Variants in KNDC1 observed in about 807,000 individuals in gnomAD.
The protein encoded by KNDC1 is kinase non-catalytic C-lobe domain containing 1.
A neutral mutation model predicts 172.8 loss-of-function variants in KNDC1; 106 were observed. The ratio of observed to expected loss-of-function variants is 0.61; its 90% CI spans 0.52 to 0.72. The LOEUF is 0.72. KNDC1 is among the 30% of genes least tolerant of loss of function. The pLI is 0.00. For synonymous variants in KNDC1, 1,083 were observed against 1,062.2 expected (o/e 1.02, Z -0.38); for missense variants, 2,325 against 2,394.5 (o/e 0.97, Z 0.61).
Position 133,224,026 on chromosome 10 carries a change from C to CGT in KNDC1, c.5019-621_5019-620dup, listed in dbSNP as rs1303845206. ...GCCCATCCAGGCATGCTCTTCCCGG[C>CGT]GTGTGTGTGTGTGAGAGCCCATCCA... On this transcript the variant is annotated intron_variant, in intron 29 of 29. Coordinates refer to ENST00000304613, the MANE Select transcript of KNDC1 (RefSeq NM_152643.8). This position sits in a 1 kb window ranked among gnomAD's most constrained non-coding sequence, Gnocchi z 5.4. Among the ~76,000 whole-genome samples, 12 of 130,828 alleles carry CGT rather than the reference C, an allele frequency of 9.2e-5. No homozygotes were observed. Among genetic ancestry groups the CGT allele is most frequent in the East Asian group, 4.8e-4 (2 of 4,204 alleles). The allele number at this position is 130,828 out of a possible 152,430, so 85.8% of individuals were successfully genotyped here.
In KNDC1 at chr10:133,199,212, G is replaced by A. The variant is rs767692064; in HGVS notation, c.2704G>A (p.Glu902Lys). The A allele has an allele frequency of 5.1e-6, 8 of 1,579,284 alleles. No individual in the cohort carries two copies. Among genetic ancestry groups the A allele is most frequent in the Middle Eastern group, 3.3e-4 (2 of 6,006 alleles). Residue 902 changes from glutamate to lysine, a missense_variant, in exon 14 of 30, where the codon GAG becomes AAG. Transcript: ENST00000304613. ...GCAGGAGGCCACGCGCCTCATCCAG[G>A]AGGAATTTGCCTTCGATGGCTACCT... ...SLQEATRLIQEEFAFDGYLDN... is the reference protein window; with the variant it reads ...SLQEATRLIQKEFAFDGYLDN...
intron 29 of KNDC1, among the ~76,000 whole-genome samples, chr10:133,223,634 C>T (rs1413496925): frequency 3.0e-5 from 2 of 66,488 alleles, no homozygotes; most frequent in Admixed American, 1.8e-4. Flanking sequence ...CTCTTCCCGG[C>T]GTGTGTCTGT....
At position 133,201,821 on chromosome 10, in the gene KNDC1, G is replaced by C; in HGVS notation, c.3310G>C (p.Gly1104Arg). 2.0e-6 allele frequency: 3 copies of C among 1,497,606 alleles called. No individual in the cohort carries two copies. Among genetic ancestry groups the C allele is most frequent in the Non-Finnish European group, 2.7e-6 (3 of 1,125,884 alleles). The allele number at this position is 1,497,606 out of a possible 1,614,324, so 92.8% of individuals were successfully genotyped here. ...CSAFYEADCF[G>R]ADVHNYVKDL... ...CGCCTTCTACGAGGCCGACTGCTTC[G>C]GGGCCGACGTCCACAACTACGTGAA... The change falls in exon 17 of 30, where the codon GGG (glycine) becomes CGG (arginine). Residue 1104 changes from glycine to arginine, a missense_variant. Coordinates refer to ENST00000304613, the MANE Select transcript of KNDC1 (RefSeq NM_152643.8).
At position 133,213,710 on chromosome 10, in the gene KNDC1, G is replaced by A. The variant is rs1454227842; in HGVS notation, c.4509G>A (p.Lys1503=). The A allele has an allele frequency of 1.2e-6, 2 of 1,614,074 alleles. No homozygotes were observed. The highest frequency in any genetic ancestry group is 2.2e-5 in the East Asian group (1 of 44,870). The stretch of plus-strand genomic sequence containing the variant: ...CACGGGCCCTGGGCGTCATGGACAA[G>A]AGCACTGCCATCCCCAAGTGAGCGT... The part of the protein sequence containing the change: ...LNSRALGVMD[K]STAIPKASSS... Residue 1503 remains lysine (K), a synonymous_variant, in exon 25 of 30, where the codon AAG becomes AAA. Coordinates refer to ENST00000304613, the MANE Select transcript of KNDC1 (RefSeq NM_152643.8).
chr10:133,185,615 G>A (rs985791663), intron 5 of KNDC1, among the ~76,000 whole-genome samples: 1 of 151,892 alleles, frequency 6.6e-6, no homozygotes, highest in Non-Finnish European at 1.5e-5. Flanking sequence ...TTCCTGTGGG[G>A]ACTCACCTGT....
chr10:133,186,728 G>A, intron 6 of KNDC1, 54 bp downstream of exon 6: 6 of 1,307,216 alleles, frequency 4.6e-6, no homozygotes, highest in Admixed American at 2.4e-5. Context: ...AGTGAGTCCG[G>A]GGCCGGGCCT....
At chr10:133,212,983 G>C in intron 24 of KNDC1, 61 bp downstream of exon 24, 1 of 1,428,270 alleles carries the variant, frequency 7.0e-7, no homozygotes, top group Non-Finnish European at 9.6e-7. Flanking sequence ...GAAACACTCC[G>C]CGCCCATAGG....
In KNDC1 at chr10:133,201,681, C is replaced by T. The variant is rs34683692; in HGVS notation, c.3170C>T (p.Ala1057Val). The T allele has an allele frequency of 0.018, 28,241 of 1,612,424 alleles. 315 individuals are homozygous for T. Among genetic ancestry groups the T allele is most frequent in the South Asian group, 0.03 (2,756 of 91,034 alleles). The stretch of plus-strand genomic sequence containing the variant: ...GAGGCTGGCGAGGACAGACGGCCAG[C>T]TGGCGGGGCCTCAGACGTGGAGGCA... ...QPEAGEDRRP[A>V]GGASDVEAVT... Residue 1057 changes from alanine to valine, a missense_variant, in exon 17 of 30, where the codon GCT (alanine) becomes GTT (valine). Physicochemically the swap from Ala to Val is moderately conservative, Grantham distance 64 (BLOSUM62 0). Transcript: ENST00000304613.
chr10:133,195,307 C>T (rs1188760511), intron 9 of KNDC1, among the ~76,000 whole-genome samples: 1 of 152,164 alleles, frequency 6.6e-6, no homozygotes, highest in Non-Finnish European at 1.5e-5. Context: ...TCGGGGGGCT[C>T]CCGGGTCCGT....
intron 1 of KNDC1, among the ~76,000 whole-genome samples, chr10:133,162,344 C>T (rs1853004484): frequency 6.6e-6 from 1 of 152,156 alleles, no homozygotes; most frequent in South Asian, 2.1e-4. Context: ...GAGGTGAGGG[C>T]ACGGTGAGGT....
At chr10:133,206,079 A>T (rs980694418) in intron 17 of KNDC1, among the ~76,000 whole-genome samples, 4 of 152,058 alleles carry the variant, frequency 2.6e-5, no homozygotes, top group African/African-American at 9.7e-5. Flanking sequence ...GCATGCCTGT[A>T]ATCCCAGCTA....
chr10:133,185,074 C>T (rs958544372), intron 5 of KNDC1, among the ~76,000 whole-genome samples: 1 of 152,276 alleles, frequency 6.6e-6, no homozygotes. Context: ...GGCACGGCCA[C>T]GAGGAGTCTC....
chr10:133,175,496 A>T (rs1853507999), intron 3 of KNDC1, among the ~76,000 whole-genome samples: 1 of 145,276 alleles, frequency 6.9e-6, no homozygotes, highest in Admixed American at 6.8e-5. Flanking sequence ...AAGTAGATAG[A>T]TGGGTAGATG....
intron 5 of KNDC1, among the ~76,000 whole-genome samples, chr10:133,184,384 GCGCACACACA>G (rs1053301556): frequency 3.2e-4 from 43 of 133,710 alleles, no homozygotes; most frequent in African/African-American, 1.0e-3. Flanking sequence ...CACACATGCT[GCGCACACACA>G]CGCACACACG....
chr10:133,165,367 G>A (rs1853116408), intron 1 of KNDC1, among the ~76,000 whole-genome samples: 1 of 152,198 alleles, frequency 6.6e-6, no homozygotes, highest in Admixed American at 6.5e-5. Flanking sequence ...GGCCCTGCTG[G>A]CACGGCTGAC....
chr10:133,170,142 T>C (rs1036498293), intron 3 of KNDC1, among the ~76,000 whole-genome samples: 24 of 152,214 alleles, frequency 1.6e-4, no homozygotes, highest in Admixed American at 7.2e-4. Context: ...AAATCCCCGC[T>C]TGTGAGGGGA....
intron 9 of KNDC1, among the ~76,000 whole-genome samples, chr10:133,193,545 AGAAG>A (rs886873925): frequency 6.1e-5 from 9 of 148,148 alleles, no homozygotes; most frequent in Admixed American, 4.7e-4. Flanking sequence ...TAAAGGAGGA[AGAAG>A]GAAGAAAGAA....
In KNDC1 at chr10:133,213,784, G is replaced by T. The variant is rs548047795; in HGVS notation, c.4526+57G>T. 5.2e-6 allele frequency: 8 copies of T among 1,541,292 alleles called. No homozygotes were observed. In the African/African-American group the frequency reaches 8.2e-5, roughly 16 times the overall value. ...TGGTGGAGGGTCTCGGGGGCTTCCCGTAAGAGTCTTGTGGACGCTCCTGAC... is the reference window on the plus strand; with the variant it reads ...TGGTGGAGGGTCTCGGGGGCTTCCCTTAAGAGTCTTGTGGACGCTCCTGAC... On this transcript the variant is annotated intron_variant, in intron 25 of 29. Transcript: ENST00000304613.
Position 133,168,282 on chromosome 10 carries a change from C to T in KNDC1, c.330C>T (p.Pro110=), listed in dbSNP as rs760786323. ...SDDPEGAFVP[P]EFDVTGNTFE... is the part of the protein sequence containing the mutation. ...ACCCTGAGGGTGCCTTCGTTCCCCC[C>T]GAGTTCGACGTGACCGGGAACACCT... Residue 110 remains proline, a synonymous_variant, in exon 3 of 30, where the codon CCC becomes CCT. Coordinates refer to ENST00000304613, the MANE Select transcript of KNDC1 (RefSeq NM_152643.8). The T allele has an allele frequency of 3.5e-5, 57 of 1,614,050 alleles. No homozygotes were observed. The highest frequency in any genetic ancestry group is 4.6e-5 in the Non-Finnish European group (54 of 1,180,030).
Sources: allele counts gnomAD v4.1 joint callset (sites outside exome capture counted in the v4.1 genomes callset), GRCh38; gene constraint gnomAD v4.1.1; non-coding constraint Gnocchi (gnomAD v3.1); transcripts MANE v1.5; gene names NCBI Gene and HGNC (gene_info 2026-07-23, HGNC 2026-07-21).